Variants in GLIS3 observed in about 807,000 individuals in gnomAD.
GLIS3 encodes zinc finger protein GLIS3.
A neutral mutation model predicts 78.6 loss-of-function variants in GLIS3; 53 were observed. That is an observed-to-expected ratio of 0.67 (90% CI 0.54 to 0.85). The LOEUF (loss-of-function observed/expected upper bound fraction) is 0.85, where lower values mean the gene tolerates loss of function less well. Ranked by LOEUF, GLIS3 falls within the 40% of genes least tolerant of loss-of-function variation. The pLI is 0.00. For synonymous variants in GLIS3, 684 were observed against 509.9 expected, an observed-to-expected ratio of 1.34 and a Z score of -4.60; for missense variants, 1,703 against 1,231.1, an observed-to-expected ratio of 1.38 and a Z score of -5.74.
intron 2 of GLIS3, among the ~76,000 whole-genome samples, chr9:4,150,381 T>C (rs1328753868): frequency 1.3e-5 from 2 of 152,154 alleles, no homozygotes; most frequent in African/African-American, 2.4e-5. Flanking sequence ...TGTAGGTAGA[T>C]GGGGCCAGCC....
At chr9:4,477,645 C>G in the GLIS3 span, among the ~76,000 whole-genome samples, 1 of 152,070 alleles carries the variant, frequency 6.6e-6, no homozygotes, top group Non-Finnish European at 1.5e-5. Flanking sequence ...AACTCCTGAG[C>G]TCAAGCGATC....
intron 2 of GLIS3, among the ~76,000 whole-genome samples, chr9:4,257,158 G>C (rs1825030199): frequency 6.6e-6 from 1 of 152,116 alleles, no homozygotes; most frequent in Non-Finnish European, 1.5e-5. Flanking sequence ...GTATTATTAA[G>C]CCTTTAAAAG....
intron 4 of GLIS3, among the ~76,000 whole-genome samples, chr9:3,995,114 G>A (rs1215717471): frequency 6.6e-6 from 1 of 152,022 alleles, no homozygotes; most frequent in Non-Finnish European, 1.5e-5. Context: ...CAAATAAACT[G>A]GGAGGAGCAA....
chr9:4,085,935 A>C (rs1828985927), intron 4 of GLIS3, among the ~76,000 whole-genome samples: 1 of 152,164 alleles, frequency 6.6e-6, no homozygotes, highest in Non-Finnish European at 1.5e-5. Flanking sequence ...TTTTCTCATA[A>C]ATTACCCAGT....
intron 8 of GLIS3, 23 bp downstream of exon 8, chr9:3,879,404 G>T: frequency 6.2e-7 from 1 of 1,611,468 alleles, no homozygotes; most frequent in South Asian, 1.1e-5. Context: ...CACCTATTAG[G>T]AGAGAGAGAC....
chr9:4,075,221 G>A (rs999843677), intron 4 of GLIS3, among the ~76,000 whole-genome samples: 10 of 152,038 alleles, frequency 6.6e-5, no homozygotes, highest in Admixed American at 1.3e-4. Flanking sequence ...CATTAAATAT[G>A]TGCAACTTTT....
At chr9:4,255,491 T>A (rs1342322727) in intron 2 of GLIS3, among the ~76,000 whole-genome samples, 1 of 152,112 alleles carries the variant, frequency 6.6e-6, no homozygotes, top group African/African-American at 2.4e-5. Context: ...GGTGAATGGA[T>A]AAACAGTCGT....
At chr9:3,974,594 C>T (rs1818628001) in intron 4 of GLIS3, among the ~76,000 whole-genome samples, 1 of 152,102 alleles carries the variant, frequency 6.6e-6, no homozygotes, top group African/African-American at 2.4e-5. Flanking sequence ...GCAGAAAAAC[C>T]AATCGCTCCC....
intron 2 of GLIS3, among the ~76,000 whole-genome samples, chr9:4,319,345 A>G (rs1817486124): frequency 6.6e-6 from 1 of 152,192 alleles, no homozygotes; most frequent in African/African-American, 2.4e-5. Flanking sequence ...GGGAGCAGGA[A>G]GAAACAGAAC....
intron 4 of GLIS3, among the ~76,000 whole-genome samples, chr9:4,062,448 G>C (rs985341935): frequency 3.9e-5 from 6 of 152,280 alleles, no homozygotes; most frequent in African/African-American, 4.8e-5. Context: ...CCAAGGCAGA[G>C]ATAGAATGAA....
intron 6 of GLIS3, among the ~76,000 whole-genome samples, chr9:3,928,723 A>C (rs1043639464): frequency 7.2e-5 from 11 of 152,226 alleles, no homozygotes; most frequent in African/African-American, 2.2e-4. Context: ...TTCAAATGCT[A>C]TGCTTGGTTT....
intron 2 of GLIS3, among the ~76,000 whole-genome samples, chr9:4,207,703 G>C (rs543395127): frequency 1.3e-5 from 2 of 152,168 alleles, no homozygotes; most frequent in Non-Finnish European, 2.9e-5. Flanking sequence ...AGGAGAGAGA[G>C]GATATACTGG....
At chr9:4,454,725 A>G in the GLIS3 span, among the ~76,000 whole-genome samples, 1 of 152,078 alleles carries the variant, frequency 6.6e-6, no homozygotes, top group African/African-American at 2.4e-5. Flanking sequence ...TATGGGTTTG[A>G]TGTGTTCCAG....
At chr9:4,041,528 A>T (rs915751784) in intron 4 of GLIS3, among the ~76,000 whole-genome samples, 3 of 152,066 alleles carry the variant, frequency 2.0e-5, no homozygotes, top group Non-Finnish European at 4.4e-5. Context: ...CTCCATTTTT[A>T]GTGTGTGTGT....
At chr9:3,909,879 G>C (rs555095098) in intron 6 of GLIS3, among the ~76,000 whole-genome samples, 4 of 152,298 alleles carry the variant, frequency 2.6e-5, no homozygotes, top group African/African-American at 9.6e-5. Flanking sequence ...AGCCATGTGT[G>C]ACTAATGAGC....
At chr9:4,373,545 T>C in the GLIS3 span, among the ~76,000 whole-genome samples, 1 of 152,184 alleles carries the variant, frequency 6.6e-6, no homozygotes, top group Non-Finnish European at 1.5e-5. Context: ...AATAATCAAT[T>C]TGAAATATTT....
chr9:3,828,248 G>A lies in GLIS3; in HGVS notation c.*24C>T, dbSNP rs766966152. 8 of 1,613,694 alleles carry A rather than the reference G, an allele frequency of 5.0e-6. No homozygotes were observed. The highest frequency in any genetic ancestry group is 1.7e-5 in the Admixed American group (1 of 60,012). On this transcript the variant is annotated 3_prime_UTR_variant, in exon 11 of 11. Transcript: ENST00000381971. The stretch of plus-strand genomic sequence containing the variant: ...GGCAAGCAACATCAAGGTCCTGGGT[G>A]TGCAGGAGTGGCCAAGAGAGCTTTT...
intron 2 of GLIS3, among the ~76,000 whole-genome samples, chr9:4,284,721 AGCAACATAAC>A (rs1827837546): frequency 6.6e-6 from 1 of 151,464 alleles, no homozygotes; most frequent in African/African-American, 2.4e-5. Flanking sequence ...GACCAGCCTG[AGCAACATAAC>A]GAAATCCTGT....
chr9:4,311,102 C>T (rs1355405659), intron 2 of GLIS3, among the ~76,000 whole-genome samples: 1 of 152,134 alleles, frequency 6.6e-6, no homozygotes, highest in Non-Finnish European at 1.5e-5. Flanking sequence ...GCTAAGGAGT[C>T]TGTGGATAGA....
Sources: allele counts gnomAD v4.1 joint callset (sites outside exome capture counted in the v4.1 genomes callset), GRCh38; gene constraint gnomAD v4.1.1; transcripts MANE v1.5; gene names NCBI Gene and HGNC (gene_info 2026-07-23, HGNC 2026-07-21).